CCDC158: variants seen among roughly 807,000 people sequenced by gnomAD.
The protein encoded by CCDC158 is coiled-coil domain containing 158.
Under a neutral mutation model 138.6 loss-of-function variants are expected in CCDC158, and 116 were observed. The observed-to-expected ratio is 0.84, with a 90% CI of 0.72 to 0.98. CCDC158 has a LOEUF of 0.98. Among genes scored for constraint, CCDC158 ranks in the 50% least tolerant of loss-of-function variants. The probability of loss-of-function intolerance (pLI) is 0.00; values close to 1 mark genes in which losing one functional copy is unlikely to be tolerated. For synonymous variants in CCDC158, 436 were observed against 442.4 expected (o/e 0.99, Z 0.18); for missense variants, 1,265 against 1,306.1 (o/e 0.97, Z 0.48).
rs373684048 is a variant in CCDC158, at chr4:76,332,369, T to C, written c.2882+63A>G. The stretch of plus-strand genomic sequence containing the variant: ...TTATGTCCAAACAGACTTCTCAAAT[T>C]ACAAGGCCACATATAAAATATTTGG... On this transcript the variant is annotated intron_variant, in intron 20 of 24. Transcript: ENST00000682701. The C allele has an allele frequency of 1.0e-3, 1,407 of 1,389,656 alleles. 3 individuals are homozygous for C. The highest frequency in any genetic ancestry group is 1.4e-3 in the Non-Finnish European group (1,342 of 984,008). 86.1% of individuals were successfully genotyped at this position (1,389,656 alleles called of 1,614,324 possible). A position where few individuals can be genotyped will look rare whatever the true frequency, so the allele number is the denominator to read the frequency against.
Position 76,384,617 on chromosome 4 carries a change from T to C in CCDC158, c.337A>G (p.Ile113Val), listed in dbSNP as rs776205760. 75 of 1,613,674 alleles carry C rather than the reference T, an allele frequency of 4.6e-5. No individual in the cohort carries two copies. The highest frequency in any genetic ancestry group is 6.2e-5 in the Non-Finnish European group (73 of 1,179,882). Residue 113 changes from isoleucine (I) to valine (V), a missense_variant, in exon 5 of 25, where the codon ATT becomes GTT. By Grantham distance (29) the Ile-to-Val change is conservative (BLOSUM62 3). Coordinates refer to ENST00000682701, the MANE Select transcript of CCDC158 (RefSeq NM_001394954.1). Reference sequence around the variant, plus strand: ...TCCTGAAGTTTTGTTTGCAAATCAATGACTGACTGCCTCAAATAAAACTTT... The same window carrying C: ...TCCTGAAGTTTTGTTTGCAAATCAACGACTGACTGCCTCAAATAAAACTTT... ...KQKFYLRQSV[I>V]DLQTKLQEMQ...
chr4:76,417,451 A>G (rs2109932927), intron 1 of CCDC158, among the ~76,000 whole-genome samples: 2 of 152,202 alleles, frequency 1.3e-5, no homozygotes, highest in Non-Finnish European at 2.9e-5. Flanking sequence ...TAAGGACATG[A>G]GATTTGGAGG....
At chr4:76,333,981 T>C in intron 19 of CCDC158, 29 bp downstream of exon 19, 1 of 1,497,480 alleles carries the variant, frequency 6.7e-7, no homozygotes, top group Non-Finnish European at 9.0e-7. Flanking sequence ...AGAGATGAGC[T>C]TTCCCATTCT....
intron 14 of CCDC158, chr4:76,356,678 C>A (rs1245260843): frequency 6.6e-6 from 1 of 152,014 alleles, no homozygotes; most frequent in Non-Finnish European, 1.5e-5. Context: ...TTCTTTATAT[C>A]GTTCTAATTT....
chr4:76,415,006 A>G (rs1729580124), intron 1 of CCDC158, among the ~76,000 whole-genome samples: 1 of 152,192 alleles, frequency 6.6e-6, no homozygotes, highest in African/African-American at 2.4e-5. Flanking sequence ...TGAAGACAGG[A>G]AAATGTGAAC....
chr4:76,321,748 T>A (rs1720028440), intron 24 of CCDC158, among the ~76,000 whole-genome samples: 1 of 145,962 alleles, frequency 6.9e-6, no homozygotes, highest in African/African-American at 2.5e-5. Flanking sequence ...CATATATATG[T>A]AAATATATAT....
intron 2 of CCDC158, among the ~76,000 whole-genome samples, chr4:76,410,926 TA>T (rs1399853839): frequency 6.6e-6 from 1 of 152,186 alleles, no homozygotes; most frequent in African/African-American, 2.4e-5. Context: ...TCTCTATGAC[TA>T]TACGAGGGAG....
intron 22 of CCDC158, among the ~76,000 whole-genome samples, chr4:76,328,404 AG>A (rs1214562447): frequency 6.6e-6 from 1 of 152,238 alleles, no homozygotes; most frequent in Admixed American, 6.5e-5. Flanking sequence ...AACTGATAAA[AG>A]GAAGAAGGAG....
intron 24 of CCDC158, 107 bp downstream of exon 24, chr4:76,323,195 G>GGGT: frequency 1.4e-6 from 1 of 731,178 alleles, no homozygotes; most frequent in South Asian, 2.1e-5. Context: ...GTTTACAGTT[G>GGGT]TTAATTCAAT....
Position 76,322,959 on chromosome 4 carries a change from T to C in CCDC158, c.3277+343A>G, listed in dbSNP as rs142118776. On this transcript the variant is annotated intron_variant, in intron 24 of 24. Coordinates refer to ENST00000682701, the MANE Select transcript of CCDC158 (RefSeq NM_001394954.1). Reference sequence around the variant, plus strand: ...TATACTCTTTTCTTGGCTATTATTGTATAAATGTTTATCTATAGACCTAAT... The same window carrying C: ...TATACTCTTTTCTTGGCTATTATTGCATAAATGTTTATCTATAGACCTAAT... 3.0e-3 allele frequency among the ~76,000 whole-genome samples: 458 copies of C among 152,314 alleles called. 2 individuals are homozygous for C. The highest frequency in any genetic ancestry group is 0.011 in the African/African-American group (438 of 41,566).
chr4:76,332,497 T>C lies in CCDC158; in HGVS notation c.2823-6A>G, dbSNP rs368065773. ...AATCTCTTACCCTATCCTCTCTGTATAGAAAATATAACTCTCAGTTAATCA... is the reference window on the plus strand; with the variant it reads ...AATCTCTTACCCTATCCTCTCTGTACAGAAAATATAACTCTCAGTTAATCA... On this transcript the variant is annotated splice_polypyrimidine_tract_variant and splice_region_variant and intron_variant, in intron 19 of 24. Coordinates refer to ENST00000682701, the MANE Select transcript of CCDC158 (RefSeq NM_001394954.1). 4.4e-6 allele frequency: 7 copies of C among 1,594,962 alleles called. No individual in the cohort carries two copies. The highest frequency in any genetic ancestry group is 2.7e-5 in the African/African-American group (2 of 74,154).
At chr4:76,344,543 T>G (rs932820382) in intron 18 of CCDC158, 10 of 975,664 alleles carry the variant, frequency 1.0e-5, no homozygotes, top group Admixed American at 1.7e-5. Context: ...GGGAAGCTGA[T>G]GAATAGCTGA....
At chr4:76,327,125 T>C (rs938655506) in intron 22 of CCDC158, among the ~76,000 whole-genome samples, 1 of 152,100 alleles carries the variant, frequency 6.6e-6, no homozygotes, top group African/African-American at 2.4e-5. Flanking sequence ...TTTATATCAA[T>C]ATAATAAGGC....
chr4:76,414,482 A>C (rs2109920462), intron 1 of CCDC158: 1 of 152,358 alleles, frequency 6.6e-6, no homozygotes, highest in African/African-American at 2.4e-5. Context: ...AGAGTTGTCA[A>C]GTACAATAAA....
chr4:76,401,990 G>C (rs1316255224), intron 3 of CCDC158: 1 of 152,214 alleles, frequency 6.6e-6, no homozygotes, highest in Non-Finnish European at 1.5e-5. Context: ...CAATAATGGT[G>C]CTGAAAGAAA....
chr4:76,329,015 G>T, intron 21 of CCDC158, 48 bp from the exon 22 acceptor site: 1 of 1,433,976 alleles, frequency 7.0e-7, no homozygotes, highest in Non-Finnish European at 9.8e-7. Context: ...CACAAACACA[G>T]TACTAAGATT....
chr4:76,400,855 A>T (rs1264707428), intron 3 of CCDC158, among the ~76,000 whole-genome samples: 1 of 152,202 alleles, frequency 6.6e-6, no homozygotes, highest in East Asian at 1.9e-4. Flanking sequence ...AGAGAATAAT[A>T]AAGGGGAAAG....
intron 18 of CCDC158, among the ~76,000 whole-genome samples, chr4:76,346,945 C>G (rs919449166): frequency 2.0e-5 from 3 of 152,066 alleles, no homozygotes; most frequent in Non-Finnish European, 4.4e-5. Context: ...CATCACTGGT[C>G]ATTAGAGAAA....
intron 2 of CCDC158, among the ~76,000 whole-genome samples, chr4:76,411,368 C>T (rs980698045): frequency 2.0e-5 from 3 of 152,044 alleles, no homozygotes; most frequent in Admixed American, 1.3e-4. Flanking sequence ...CCACTGCACT[C>T]CAGCCTGGGT....
Sources: gnomAD v4.1 joint callset for allele counts (sites outside exome capture counted in the v4.1 genomes callset) on GRCh38, gnomAD v4.1.1 for gene constraint, MANE v1.5 for transcripts, NCBI Gene and HGNC (gene_info 2026-07-23, HGNC 2026-07-21) for gene names.